CMTM8: variants seen among roughly 807,000 people sequenced by gnomAD.
CMTM8 encodes the protein CKLF-like MARVEL transmembrane domain-containing protein 8.
Under a neutral mutation model 18.6 loss-of-function variants are expected in CMTM8, and 12 were observed. The ratio of observed to expected loss-of-function variants is 0.65; its 90% CI spans 0.41 to 1.05. The LOEUF (loss-of-function observed/expected upper bound fraction) is 1.05. CMTM8 is among the 50% of genes least tolerant of loss of function. CMTM8 has a pLI of 0.00. For synonymous variants in CMTM8, 87 were observed against 90.6 expected (o/e 0.96, Z 0.23); for missense variants, 217 against 227.2 (o/e 0.95, Z 0.29).
At chr3:32,367,454 A>G (rs528951815) in intron 2 of CMTM8, among the ~76,000 whole-genome samples, 1 of 152,196 alleles carries the variant, frequency 6.6e-6, no homozygotes, top group East Asian at 1.9e-4. Flanking sequence ...GGGACACTGT[A>G]TTGCGCCTCT....
chr3:32,361,285 A>AGTTTGTTTTTTTTT lies in CMTM8; in HGVS notation c.321+3743_321+3744insGTTTTTTTTTGTTT, dbSNP rs1553608165. 1.3e-4 allele frequency among the ~76,000 whole-genome samples: 3 copies of AGTTTGTTTTTTTTT among 23,926 alleles called. No homozygotes were observed. In the East Asian group the frequency reaches 4.3e-3, roughly 34 times the overall value. The allele number at this position is 23,926 out of a possible 152,430, so 15.7% of individuals were successfully genotyped here. On this transcript the variant is annotated intron_variant, in intron 2 of 3. Transcript: ENST00000307526. ...TGTGAGCCACGGCGCCCAGCCTAAG[A>AGTTTGTTTTTTTTT]GTTTTTTTTTCTTTCAAATTTTGGA...
intron 1 of CMTM8, among the ~76,000 whole-genome samples, chr3:32,306,223 C>T (rs1695712616): frequency 6.6e-6 from 1 of 152,190 alleles, no homozygotes; most frequent in Non-Finnish European, 1.5e-5. Context: ...TTGTTGTCAT[C>T]CTTCATCAGT....
At chr3:32,361,356 T>G (rs1485085045) in intron 2 of CMTM8, among the ~76,000 whole-genome samples, 1 of 149,218 alleles carries the variant, frequency 6.7e-6, no homozygotes, top group Non-Finnish European at 1.5e-5. Context: ...ATGTGACATG[T>G]ACCCCTGAGT....
chr3:32,245,289 A>T (rs1701994124), intron 1 of CMTM8, among the ~76,000 whole-genome samples: 2 of 152,354 alleles, frequency 1.3e-5, no homozygotes, highest in South Asian at 4.1e-4. Context: ...GAAATTAGGC[A>T]GAGAACAAAG....
intron 1 of CMTM8, among the ~76,000 whole-genome samples, chr3:32,295,649 G>A (rs1013447854): frequency 6.6e-6 from 1 of 151,942 alleles, no homozygotes; most frequent in Non-Finnish European, 1.5e-5. Context: ...GGGCAGGAAG[G>A]ATGACTGCCC....
chr3:32,348,123 GA>G (rs1341581224), intron 1 of CMTM8, among the ~76,000 whole-genome samples: 1 of 151,968 alleles, frequency 6.6e-6, no homozygotes, highest in Non-Finnish European at 1.5e-5. Flanking sequence ...TTACATATCT[GA>G]AAAAAATATA....
At chr3:32,291,419 C>T (rs921764895) in intron 1 of CMTM8, among the ~76,000 whole-genome samples, 2 of 152,146 alleles carry the variant, frequency 1.3e-5, no homozygotes, top group South Asian at 2.1e-4. Context: ...GGATTACAGG[C>T]GTGAGCCACC....
intron 1 of CMTM8, among the ~76,000 whole-genome samples, chr3:32,294,280 T>C (rs942650442): frequency 6.6e-6 from 1 of 152,262 alleles, no homozygotes. Context: ...TCCAGGTCTT[T>C]GTGCTTGCTG....
In CMTM8 at chr3:32,281,395, G is replaced by A. The variant is rs932597624; in HGVS notation, c.147+42276G>A. On this transcript the variant is annotated intron_variant, in intron 1 of 3. Coordinates refer to ENST00000307526, the MANE Select transcript of CMTM8 (RefSeq NM_178868.5). ...GTTGCTTGCAAGGGAGCAAAAACTGGTTCTTGGGGGTAGGGAGGGAAATCT... is the reference window on the plus strand; with the variant it reads ...GTTGCTTGCAAGGGAGCAAAAACTGATTCTTGGGGGTAGGGAGGGAAATCT... 5.3e-5 allele frequency among the ~76,000 whole-genome samples: 8 copies of A among 152,240 alleles called. No individual in the cohort carries two copies. In the East Asian group the frequency reaches 1.4e-3, roughly 26 times the overall value.
At chr3:32,347,230 T>C (rs1286396473) in intron 1 of CMTM8, among the ~76,000 whole-genome samples, 1 of 152,160 alleles carries the variant, frequency 6.6e-6, no homozygotes, top group African/African-American at 2.4e-5. Context: ...TTTTGATTTT[T>C]ACTAAGGTTA....
intron 3 of CMTM8, 123 bp from the exon 4 acceptor site, chr3:32,369,761 A>T: frequency 3.7e-6 from 2 of 538,132 alleles, no homozygotes; most frequent in Non-Finnish European, 6.8e-6. Flanking sequence ...AAGTAGTTTT[A>T]GATGGCAAAG....
chr3:32,369,862 T>C, intron 3 of CMTM8, 22 bp from the exon 4 acceptor site: 1 of 1,562,310 alleles, frequency 6.4e-7, no homozygotes. Context: ...ACCCCACTTC[T>C]ATTATGCTTT....
At chr3:32,354,561 G>T (rs555698817) in intron 1 of CMTM8, among the ~76,000 whole-genome samples, 1 of 152,280 alleles carries the variant, frequency 6.6e-6, no homozygotes, top group Non-Finnish European at 1.5e-5. Flanking sequence ...AAACGTTTTT[G>T]CATTCAGAGC....
At chr3:32,239,267 A>G in intron 1 of CMTM8, 148 bp downstream of exon 1, 1 of 852,236 alleles carries the variant, frequency 1.2e-6, no homozygotes, top group Admixed American at 3.0e-5. Context: ...TCCCAAAGTG[A>G]AAGACTCTAA....
chr3:32,295,397 A>G (rs1702855182), intron 1 of CMTM8, among the ~76,000 whole-genome samples: 1 of 142,512 alleles, frequency 7.0e-6, no homozygotes, highest in Non-Finnish European at 1.5e-5. Flanking sequence ...CGGAGGTTGC[A>G]GTAAGCCAAG....
At chr3:32,327,538 G>C (rs1294792265) in intron 1 of CMTM8, among the ~76,000 whole-genome samples, 2 of 152,182 alleles carry the variant, frequency 1.3e-5, no homozygotes, top group Non-Finnish European at 2.9e-5. Flanking sequence ...GAATGAATTT[G>C]AATTTGAGAC....
At chr3:32,301,516 A>C (rs1695618693) in intron 1 of CMTM8, among the ~76,000 whole-genome samples, 1 of 151,142 alleles carries the variant, frequency 6.6e-6, no homozygotes, top group Non-Finnish European at 1.5e-5. Context: ...CCCTCCTGCC[A>C]GTGGTGCAGA....
At chr3:32,319,779 G>A (rs904678756) in intron 1 of CMTM8, among the ~76,000 whole-genome samples, 1 of 152,214 alleles carries the variant, frequency 6.6e-6, no homozygotes, top group African/African-American at 2.4e-5. Context: ...TGTGCAAACT[G>A]GTGCTGCTGT....
chr3:32,294,886 C>A (rs543662820), intron 1 of CMTM8, among the ~76,000 whole-genome samples: 15 of 152,110 alleles, frequency 9.9e-5, no homozygotes, highest in Admixed American at 5.2e-4. Context: ...GAAACCCCAT[C>A]TCTACTAAAA....
Sources: gnomAD v4.1 joint callset for allele counts (sites outside exome capture counted in the v4.1 genomes callset) on GRCh38, gnomAD v4.1.1 for gene constraint, MANE v1.5 for transcripts, NCBI Gene and HGNC (gene_info 2026-07-23, HGNC 2026-07-21) for gene names.